ZFHX4: variants seen among roughly 807,000 people sequenced by gnomAD.
ZFHX4 encodes the protein zinc finger homeobox 4, also known as zinc finger homeobox protein 4.
Under a neutral mutation model 267.6 loss-of-function variants are expected in ZFHX4, and 56 were observed. The observed-to-expected ratio is 0.21, with a 90% CI of 0.17 to 0.26. The LOEUF is 0.26. ZFHX4 is among the 10% of genes least tolerant of loss of function. ZFHX4 has a pLI of 1.00. For missense variants in ZFHX4, 4,332 were observed against 4,420.0 expected (o/e 0.98, Z 0.56); for synonymous variants, 1,778 against 1,665.6 (o/e 1.07, Z -1.64).
chr8:76,701,373 C>T (rs547929112), intron 1 of ZFHX4, among the ~76,000 whole-genome samples: 4 of 151,980 alleles, frequency 2.6e-5, no homozygotes, highest in Middle Eastern at 3.2e-3. Flanking sequence ...TGGCAATTTT[C>T]TGTAAAATTG....
rs143502455 is a variant in ZFHX4, at chr8:76,842,112, C to A, written c.3395-543C>A. On this transcript the variant is annotated intron_variant, in intron 5 of 10. Transcript: ENST00000651372. ...CCTGCACCCAGTATAGCTCCCTCTACAGAAGAAAAAAAAAATCCCCAATGT... is the reference window on the plus strand; with the variant it reads ...CCTGCACCCAGTATAGCTCCCTCTAAAGAAGAAAAAAAAAATCCCCAATGT... 9.3e-4 allele frequency among the ~76,000 whole-genome samples: 141 copies of A among 151,580 alleles called. 2 individuals carry two copies. The highest frequency in any genetic ancestry group is 1.6e-3 in the Non-Finnish European group (111 of 67,878).
Position 76,863,547 on chromosome 8 carries a change from TC to T in ZFHX4, c.9836del (p.Pro3279LeufsTer74). ...TTTGCTTCTTATTTTACACCTCAGC[TC>T]CCTGGAACAGTGCAGGGGGGATACT... is the stretch of plus-strand genomic sequence containing the variant. Reference protein sequence around the residue: ...PGFASYFTPQLPGTVQGGYFP... With the variant: ...PGFASYFTPQXPGTVQGGYFP... On this transcript the variant is annotated frameshift_variant, in exon 11 of 11. Coordinates refer to ENST00000651372, the MANE Select transcript of ZFHX4 (RefSeq NM_024721.5). LOFTEE classifies it high-confidence loss of function. 6.2e-7 allele frequency: 1 copy of T among 1,613,712 alleles called. No homozygotes were observed.
chr8:76,828,182 T>C (rs2131880464), intron 4 of ZFHX4, among the ~76,000 whole-genome samples: 1 of 152,304 alleles, frequency 6.6e-6, no homozygotes, highest in South Asian at 2.1e-4. Flanking sequence ...TATCAACTAC[T>C]AAGATAATAA....
intron 3 of ZFHX4, among the ~76,000 whole-genome samples, chr8:76,734,591 G>A (rs1388916987): frequency 1.3e-5 from 2 of 152,126 alleles, no homozygotes; most frequent in African/African-American, 2.4e-5. Flanking sequence ...CTAAACAGCA[G>A]GGGTTTGGCC....
At chr8:76,694,064 A>G (rs555928063) in intron 1 of ZFHX4, among the ~76,000 whole-genome samples, 41 of 152,290 alleles carry the variant, frequency 2.7e-4, no homozygotes, top group African/African-American at 9.4e-4. Context: ...CTGTTATGCT[A>G]GAGTTGACTC....
intron 4 of ZFHX4, among the ~76,000 whole-genome samples, chr8:76,804,773 G>A (rs949851028): frequency 1.3e-5 from 2 of 151,942 alleles, no homozygotes; most frequent in Non-Finnish European, 2.9e-5. Flanking sequence ...GTTTAAAGTC[G>A]GATTAAGTGA....
At chr8:76,753,949 A>AT (rs988386850) in intron 3 of ZFHX4, among the ~76,000 whole-genome samples, 32 of 151,222 alleles carry the variant, frequency 2.1e-4, no homozygotes, top group African/African-American at 7.0e-4. Flanking sequence ...TATGCAAAAA[A>AT]ATTATTTTAT....
intron 3 of ZFHX4, among the ~76,000 whole-genome samples, chr8:76,747,671 C>T (rs1257593982): frequency 6.6e-6 from 1 of 152,132 alleles, no homozygotes; most frequent in African/African-American, 2.4e-5. Context: ...GTGGCTCACG[C>T]CTGTAATCCC....
At chr8:76,715,883 G>A (rs1563480496) in intron 3 of ZFHX4, among the ~76,000 whole-genome samples, 1 of 152,122 alleles carries the variant, frequency 6.6e-6, no homozygotes, top group Non-Finnish European at 1.5e-5. Flanking sequence ...GTAAGTACTA[G>A]CATAAAATAT....
chr8:76,778,165 T>C (rs1276841870), intron 3 of ZFHX4, 43 bp from the exon 4 acceptor site: 1 of 1,328,280 alleles, frequency 7.5e-7, no homozygotes, highest in Non-Finnish European at 1.1e-6. Flanking sequence ...TTATCCACCA[T>C]GGAGCTAGAC....
intron 3 of ZFHX4, among the ~76,000 whole-genome samples, chr8:76,774,750 C>G (rs1045181511): frequency 1.3e-5 from 2 of 151,924 alleles, no homozygotes; most frequent in Non-Finnish European, 2.9e-5. Context: ...CAGGTCTGTA[C>G]AGTATTTTAG....
At chr8:76,798,330 T>C (rs1181988642) in intron 4 of ZFHX4, among the ~76,000 whole-genome samples, 1 of 152,152 alleles carries the variant, frequency 6.6e-6, no homozygotes, top group Non-Finnish European at 1.5e-5. Context: ...TGCAAGTGAA[T>C]TTGCTTGTAG....
At chr8:76,708,476 C>T (rs557212821) in intron 3 of ZFHX4, among the ~76,000 whole-genome samples, 2 of 151,704 alleles carry the variant, frequency 1.3e-5, no homozygotes, top group South Asian at 4.2e-4. Context: ...TGGTGACAAA[C>T]AATGACGCTC....
Position 76,863,566 on chromosome 8 carries a change from G to C in ZFHX4, c.9852G>C (p.Gly3284=), listed in dbSNP as rs891754687. 1 of 1,613,770 alleles carries C rather than the reference G, an allele frequency of 6.2e-7. No individual in the cohort carries two copies. The highest frequency in any genetic ancestry group is 8.5e-7 in the Non-Finnish European group (1 of 1,179,822). Residue 3284 remains glycine, a synonymous_variant, in exon 11 of 11, where the codon GGG becomes GGC. Transcript: ENST00000651372. ...FTPQLPGTVQ[G]GYFPPVCGME... ...CTCAGCTCCCTGGAACAGTGCAGGG[G>C]GGATACTTCCCACCTGTCTGTGGCA...
intron 5 of ZFHX4, 175 bp downstream of exon 5, chr8:76,833,581 T>C (rs1168584027): frequency 3.6e-6 from 2 of 561,284 alleles, no homozygotes; most frequent in Non-Finnish European, 6.2e-6. Context: ...TGGAAGTATA[T>C]GTAAATTGAC....
At chr8:76,837,400 G>T (rs1231694241) in intron 5 of ZFHX4, among the ~76,000 whole-genome samples, 1 of 151,890 alleles carries the variant, frequency 6.6e-6, no homozygotes, top group African/African-American at 2.4e-5. Flanking sequence ...GGGAGTCACT[G>T]GTGACTTTGA....
At chr8:76,820,040 A>G (rs988179683) in intron 4 of ZFHX4, among the ~76,000 whole-genome samples, 5 of 152,204 alleles carry the variant, frequency 3.3e-5, no homozygotes, top group Non-Finnish European at 7.3e-5. Flanking sequence ...TTCCCACGTT[A>G]CTTACATTTT....
chr8:76,706,338 C>G lies in ZFHX4; in HGVS notation c.2250C>G (p.Leu750=). The G allele has an allele frequency of 1.9e-6, 3 of 1,614,096 alleles. No homozygotes were observed. The highest frequency in any genetic ancestry group is 2.5e-6 in the Non-Finnish European group (3 of 1,179,970). The change falls in exon 2 of 11, where the codon CTC becomes CTG. Residue 750 remains leucine (L), a synonymous_variant. Coordinates refer to ENST00000651372, the MANE Select transcript of ZFHX4 (RefSeq NM_024721.5). ...CTGCCCCAGCCCCCAACACCAGCCT[C>G]AGTGGCTGCGGAACACCCTCTCCGT... is the stretch of plus-strand genomic sequence containing the variant. ...GHSAPAPNTS[L]SGCGTPSPSK...
At chr8:76,735,430 G>T (rs547541224) in intron 3 of ZFHX4, among the ~76,000 whole-genome samples, 1 of 152,120 alleles carries the variant, frequency 6.6e-6, no homozygotes, top group South Asian at 2.1e-4. Flanking sequence ...AAAAGAATTA[G>T]AATTCAACAA....
Sources: gnomAD v4.1 joint callset for allele counts (sites outside exome capture counted in the v4.1 genomes callset) on GRCh38, gnomAD v4.1.1 for gene constraint, MANE v1.5 for transcripts, NCBI Gene and HGNC (gene_info 2026-07-23, HGNC 2026-07-21) for gene names.